The following DMBT1 variants were observed in gnomAD, a reference collection of about 807,000 sequenced individuals.
DMBT1 encodes scavenger receptor cysteine-rich domain-containing protein DMBT1.
DMBT1 carries 198 observed loss-of-function variants against 252.9 expected under a neutral mutation model. The ratio of observed to expected loss-of-function variants is 0.78; its 90% CI spans 0.70 to 0.88. The LOEUF (loss-of-function observed/expected upper bound fraction) is 0.88, where lower values mean the gene tolerates loss of function less well. Ranked by LOEUF, DMBT1 falls within the 40% of genes least tolerant of loss-of-function variation. The pLI, the probability that DMBT1 is intolerant of heterozygous loss-of-function variation, is 0.00. For missense variants in DMBT1, 2,432 were observed against 2,404.7 expected, an observed-to-expected ratio of 1.01 and a Z score of -0.24; for synonymous variants, 990 against 942.7, an observed-to-expected ratio of 1.05 and a Z score of -0.92.
At position 122,637,233 on chromosome 10, in the gene DMBT1, A is replaced by C; in HGVS notation, c.6863A>C (p.Tyr2288Ser). The change falls in exon 54 of 56, where the codon TAC becomes TCC. Residue 2288 changes from tyrosine to serine, a missense_variant. Physicochemically the swap from Tyr to Ser is moderately radical, Grantham distance 144. Transcript: ENST00000338354. Reference protein sequence around the residue: ...SDLVISTWNGYYECRPQITPN... With the variant: ...SDLVISTWNGSYECRPQITPN... Reference sequence around the variant, plus strand: ...CTTGTCATTTCCACCTGGAATGGATACTACGAGTGTCGGCCCCAGATAACG... The same window carrying C: ...CTTGTCATTTCCACCTGGAATGGATCCTACGAGTGTCGGCCCCAGATAACG... 1 of 1,614,040 alleles carries C rather than the reference A, an allele frequency of 6.2e-7. No individual in the cohort carries two copies. The highest frequency in any genetic ancestry group is 8.5e-7 in the Non-Finnish European group (1 of 1,179,896).
Position 122,598,848 on chromosome 10 carries a change from C to T in DMBT1, c.3031C>T (p.Gln1011Ter). The change falls in exon 26 of 56, where the codon CAA becomes TAA. Residue 1011 changes from glutamine to a stop codon, truncating the protein, a stop_gained. Transcript: ENST00000338354. LOFTEE classifies it high-confidence loss of function. ...TCAGGGCCGAGTGGAGGTCCTATAC[C>T]AAGGCTCCTGGGGCACCGTGTGCGA... ...RCQGRVEVLY[Q>*]GSWGTVCDDS... The T allele has an allele frequency of 6.2e-7, 1 of 1,613,724 alleles. No individual in the cohort carries two copies. Among genetic ancestry groups the T allele is most frequent in the Non-Finnish European group, 8.5e-7 (1 of 1,179,770 alleles).
intron 21 of DMBT1, among the ~76,000 whole-genome samples, chr10:122,593,819 A>T (rs893731087): frequency 3.4e-5 from 5 of 145,492 alleles, no homozygotes; most frequent in African/African-American, 1.2e-4. Flanking sequence ...CTCAGCTTTC[A>T]TGAAACAGTT....
At chr10:122,590,123 G>C (rs1279429081) in intron 17 of DMBT1, among the ~76,000 whole-genome samples, 2 of 148,682 alleles carry the variant, frequency 1.3e-5, no homozygotes, top group Non-Finnish European at 3.0e-5. Flanking sequence ...GGCCCAGTAA[G>C]GAGGCATCAG....
At chr10:122,625,727 C>T (rs1310941675) in intron 45 of DMBT1, among the ~76,000 whole-genome samples, 3 of 152,176 alleles carry the variant, frequency 2.0e-5, no homozygotes, top group Admixed American at 1.3e-4. Context: ...GTTTTTGTGC[C>T]ACAGTGAAAA....
intron 15 of DMBT1, 34 bp downstream of exon 15, chr10:122,585,343 C>A (rs535171568): frequency 6.4e-7 from 1 of 1,574,664 alleles, no homozygotes; most frequent in Non-Finnish European, 8.7e-7. Context: ...CTAGGGCTCA[C>A]TCTCTACCTC....
In DMBT1 at chr10:122,633,312, C is replaced by T. The variant is rs1257406339; in HGVS notation, c.6519C>T (p.Tyr2173=). The T allele has an allele frequency of 1.2e-6, 2 of 1,613,980 alleles. No individual in the cohort carries two copies. The highest frequency in any genetic ancestry group is 1.3e-5 in the African/African-American group (1 of 75,046). The change falls in exon 52 of 56, where the codon TAC becomes TAT. Residue 2173 remains tyrosine (Y), a synonymous_variant. Coordinates refer to ENST00000338354, the MANE Select transcript of DMBT1 (RefSeq NM_001377530.1). ...CVWDIEVQNN[Y]RVTVIFRDVQ... The stretch of plus-strand genomic sequence containing the variant: ...GGGACATTGAGGTGCAAAACAACTA[C>T]CGTGTGACTGTGATCTTCAGAGATG...
At chr10:122,618,407 A>G (rs918499643) in intron 41 of DMBT1, 67 bp downstream of exon 41, 7 of 1,611,886 alleles carry the variant, frequency 4.3e-6, no homozygotes, top group African/African-American at 4.0e-5. Flanking sequence ...AATCCTAATT[A>G]CATTCTGATC....
intron 15 of DMBT1, 25 bp from the exon 16 acceptor site, chr10:122,586,035 G>A: frequency 6.3e-7 from 1 of 1,587,948 alleles, no homozygotes; most frequent in Non-Finnish European, 8.6e-7. Flanking sequence ...AGGGATGGAT[G>A]AAGGGTTCTT....
intron 18 of DMBT1, among the ~76,000 whole-genome samples, chr10:122,591,144 T>G (rs1042848263): frequency 6.7e-6 from 1 of 148,768 alleles, no homozygotes; most frequent in Non-Finnish European, 1.5e-5. Flanking sequence ...CCCTGATCCT[T>G]CTAACATTTT....
intron 24 of DMBT1, among the ~76,000 whole-genome samples, chr10:122,597,374 C>T (rs2097892013): frequency 6.6e-6 from 1 of 152,164 alleles, no homozygotes; most frequent in South Asian, 2.1e-4. Context: ...TATGACCTTC[C>T]TGAGAATTGA....
intron 2 of DMBT1, 79 bp downstream of exon 2, chr10:122,566,075 G>A: frequency 6.8e-7 from 1 of 1,461,982 alleles, no homozygotes; most frequent in Non-Finnish European, 9.6e-7. Flanking sequence ...TTGAGGCTGA[G>A]CACAGCTGAG....
At chr10:122,600,030 T>C (rs1219937146) in intron 26 of DMBT1, 34 bp from the exon 27 acceptor site, 1 of 1,607,894 alleles carries the variant, frequency 6.2e-7, no homozygotes, top group South Asian at 1.1e-5. Flanking sequence ...CTGTGTAATG[T>C]TCCTGATCTG....
rs1390592530 is a variant in DMBT1, at chr10:122,584,713, T to C, written c.1420+362T>C. ...TTGCCAAAGTCTCCTCGGAAGCCAA[T>C]GTCAGCTAAAGCCTTAAACATGGCT... On this transcript the variant is annotated intron_variant, in intron 14 of 55. Transcript: ENST00000338354. Among the ~76,000 whole-genome samples the C allele has an allele frequency of 3.4e-5, 5 of 149,140 alleles. 1 individual carries two copies. Among genetic ancestry groups the C allele is most frequent in the Non-Finnish European group, 6.0e-5 (4 of 66,926 alleles).
intron 40 of DMBT1, among the ~76,000 whole-genome samples, chr10:122,617,657 G>T (rs1022770290): frequency 1.3e-5 from 2 of 151,774 alleles, no homozygotes; most frequent in East Asian, 2.0e-4. Flanking sequence ...CCAGAAACCA[G>T]AGAGGACCAT....
At position 122,580,848 on chromosome 10, in the gene DMBT1, C is replaced by T. The variant is rs2097762282; in HGVS notation, c.1004-18C>T. On this transcript the variant is annotated intron_variant, in intron 10 of 55. Coordinates refer to ENST00000338354, the MANE Select transcript of DMBT1 (RefSeq NM_001377530.1). The stretch of plus-strand genomic sequence containing the variant: ...TGTGTAATGTTCCTGATCTGACCTT[C>T]TCTTCTCTTTCTCACAGCTCCCCAG... 1 of 1,613,908 alleles carries T rather than the reference C, an allele frequency of 6.2e-7. No homozygotes were observed. The highest frequency in any genetic ancestry group is 1.3e-5 in the African/African-American group (1 of 75,000).
rs7080847 is a variant in DMBT1, at chr10:122,572,015, G to A, written c.188-299G>A. On this transcript the variant is annotated intron_variant, in intron 4 of 55. Coordinates refer to ENST00000338354, the MANE Select transcript of DMBT1 (RefSeq NM_001377530.1). ...TAGAAACAGCCAGATGTCATTTGAC[G>A]TCCATTCTTGTGACTAGGATGGGGC... 8.2e-3 allele frequency among the ~76,000 whole-genome samples: 1,254 copies of A among 152,270 alleles called. 15 individuals are homozygous for A. The highest frequency in any genetic ancestry group is 0.029 in the African/African-American group (1,196 of 41,550).
At position 122,592,476 on chromosome 10, in the gene DMBT1, C is replaced by T. The variant is rs118033581; in HGVS notation, c.2381C>T (p.Pro794Leu). ...GNARFGQGSG[P>L]IVLDDVRCSG... ...GCCCGGTTTGGCCAGGGCTCAGGAC[C>T]CATTGTTCTGGATGATGTGCGCTGC... The change falls in exon 20 of 56, where the codon CCC becomes CTC. Residue 794 changes from proline (P) to leucine (L), a missense_variant. Pro to Leu is a moderately conservative substitution (Grantham distance 98, BLOSUM62 -3). Around this residue, in one of 3 missense-constraint regions of DMBT1, gnomAD observed 1,264 missense variants for 1,082.2 expected, o/e 1.17. Transcript: ENST00000338354. The T allele has an allele frequency of 0.013, 19,859 of 1,587,516 alleles. 1,283 individuals are homozygous for T. The East Asian group carries it at 0.15, about 12-fold the overall frequency.
At chr10:122,636,492 A>G (rs1398485193) in intron 53 of DMBT1, among the ~76,000 whole-genome samples, 1 of 152,234 alleles carries the variant, frequency 6.6e-6, no homozygotes, top group Non-Finnish European at 1.5e-5. Flanking sequence ...GTCAGTGCCA[A>G]AGGCAGAGGT....
intron 9 of DMBT1, among the ~76,000 whole-genome samples, 160 bp from the exon 10 acceptor site, chr10:122,579,418 G>A (rs1229631335): frequency 2.6e-5 from 4 of 152,196 alleles, no homozygotes; most frequent in African/African-American, 4.8e-5. Flanking sequence ...GGTTATCAGT[G>A]CTACTTTCAC....
Sources: gnomAD v4.1 joint callset for allele counts (sites outside exome capture counted in the v4.1 genomes callset) on GRCh38, gnomAD v4.1.1 for gene constraint, gnomAD v4.1.1 regional missense constraint, MANE v1.5 for transcripts, NCBI Gene and HGNC (gene_info 2026-07-23, HGNC 2026-07-21) for gene names.